GAK: variants seen among roughly 807,000 people sequenced by gnomAD.
GAK encodes the protein cyclin-G-associated kinase.
A neutral mutation model predicts 143.9 loss-of-function variants in GAK; 79 were observed. That is an observed-to-expected ratio of 0.55 (90% CI 0.46 to 0.66). The LOEUF is 0.66. Among genes scored for constraint, GAK ranks in the 30% least tolerant of loss-of-function variants. The pLI, the probability that GAK is intolerant of heterozygous loss-of-function variation, is 0.00. For synonymous variants in GAK, 881 were observed against 765.5 expected (o/e 1.15, Z -2.49); for missense variants, 1,693 against 1,779.7 (o/e 0.95, Z 0.88).
chr4:890,711 A>C, intron 9 of GAK, 89 bp from the exon 10 acceptor site: 1 of 1,023,394 alleles, frequency 9.8e-7, no homozygotes, highest in Non-Finnish European at 1.5e-6. Flanking sequence ...GGGTGCCCTC[A>C]GAGCCCATCC....
chr4:899,748 G>A (rs756680127), intron 5 of GAK, among the ~76,000 whole-genome samples: 2 of 152,222 alleles, frequency 1.3e-5, no homozygotes, highest in Non-Finnish European at 2.9e-5. Context: ...CAACCACAGC[G>A]CCCTGCAGAC....
intron 27 of GAK, 56 bp from the exon 28 acceptor site, chr4:849,830 C>CGGGG: frequency 1.7e-6 from 2 of 1,172,350 alleles, no homozygotes; most frequent in Non-Finnish European, 2.4e-6. Context: ...GCGGGCGGGG[C>CGGGG]AGGACCCCCC....
At chr4:913,804 C>T in intron 1 of GAK, 136 bp from the exon 2 acceptor site, 1 of 725,942 alleles carries the variant, frequency 1.4e-6, no homozygotes. Flanking sequence ...ATAATGGCCC[C>T]AGCGTACACG....
intron 4 of GAK, among the ~76,000 whole-genome samples, chr4:905,815 C>T (rs1032435867): frequency 1.3e-5 from 2 of 152,260 alleles, no homozygotes; most frequent in African/African-American, 4.8e-5. Flanking sequence ...CCCAGTTAAG[C>T]CCACCCTGAG....
rs111859924 is a variant in GAK, at chr4:900,731, C to T, written c.526-2573G>A. Among the ~76,000 whole-genome samples, 46 of 152,306 alleles carry T rather than the reference C, an allele frequency of 3.0e-4. 1 individual carries two copies. Among genetic ancestry groups the T allele is most frequent in the African/African-American group, 1.0e-3 (43 of 41,566 alleles). ...GGAAACCAGGGGTCTTGCTTGCAAC[C>T]TTGAAGAAGCTTCCCTCAAAAGCAA... On this transcript the variant is annotated intron_variant, in intron 5 of 27. Coordinates refer to ENST00000314167, the MANE Select transcript of GAK (RefSeq NM_005255.4).
At chr4:866,819 C>T (rs1216329149) in intron 21 of GAK, 137 bp downstream of exon 21, 11 of 727,454 alleles carry the variant, frequency 1.5e-5, no homozygotes, top group Non-Finnish European at 2.5e-5. Context: ...GACCCCGAGG[C>T]TGCTCCTGGG....
intron 12 of GAK, 42 bp from the exon 13 acceptor site, chr4:883,505 C>A (rs895086261): frequency 6.2e-7 from 1 of 1,605,474 alleles, no homozygotes; most frequent in Non-Finnish European, 8.5e-7. Context: ...GAGATGCGCA[C>A]CTCGTGGCCA....
At chr4:904,153 C>T (rs988356494) in intron 5 of GAK, among the ~76,000 whole-genome samples, 4 of 152,064 alleles carry the variant, frequency 2.6e-5, no homozygotes, top group Non-Finnish European at 4.4e-5. Flanking sequence ...GGATGATGGG[C>T]GGCTCCTAAC....
At chr4:912,499 T>G in intron 3 of GAK, 1 of 473,046 alleles carries the variant, frequency 2.1e-6, no homozygotes, top group South Asian at 2.4e-5. Context: ...AGGAACAACT[T>G]CATTCCCAAC....
rs1042515503 is a variant in GAK at position 865,304 on chromosome 4, C to T, written c.3044-60G>A. 38 of 1,606,358 alleles carry T rather than the reference C, an allele frequency of 2.4e-5. 2 individuals carry two copies. Among genetic ancestry groups the T allele is most frequent in the African/African-American group, 1.6e-4 (12 of 74,782 alleles). ...GTGTCTCAGCAGCAGGCAAATGTGG[C>T]GGGGCGCCAGGCTGTGCTCAGGGCC... On this transcript the variant is annotated intron_variant, in intron 22 of 27. Transcript: ENST00000314167.
intron 4 of GAK, among the ~76,000 whole-genome samples, chr4:911,084 C>G (rs1367990514): frequency 6.6e-6 from 1 of 152,202 alleles, no homozygotes; most frequent in African/African-American, 2.4e-5. Context: ...ACCCACCGGC[C>G]TCTCTTCCTG....
At chr4:877,390 C>T (rs1178943165) in intron 16 of GAK, among the ~76,000 whole-genome samples, 183 bp from the exon 17 acceptor site, 1 of 152,134 alleles carries the variant, frequency 6.6e-6, no homozygotes, top group Non-Finnish European at 1.5e-5. Context: ...TCCCTGTGAC[C>T]TCCTGCTGCT....
At chr4:893,666 C>T (rs1718124734) in intron 8 of GAK, among the ~76,000 whole-genome samples, 177 bp from the exon 9 acceptor site, 1 of 152,200 alleles carries the variant, frequency 6.6e-6, no homozygotes, top group African/African-American at 2.4e-5. Flanking sequence ...GATCAAAAAT[C>T]ACCACTCAGA....
chr4:918,992 AAAGACAGAAGGCTCC>A (rs1723494258), intron 1 of GAK, among the ~76,000 whole-genome samples: 1 of 88,902 alleles, frequency 1.1e-5, no homozygotes, highest in Non-Finnish European at 2.4e-5. Context: ...ATGACCTTAG[AAAGACAGAAGGCTCC>A]AAAGGCCTCA....
At chr4:917,591 T>C (rs1453805467) in intron 1 of GAK, among the ~76,000 whole-genome samples, 1 of 152,242 alleles carries the variant, frequency 6.6e-6, no homozygotes, top group Admixed American at 6.5e-5. Flanking sequence ...AATGAATCTA[T>C]AGTAACAGAA....
chr4:907,476 T>C (rs1207941932), intron 4 of GAK, among the ~76,000 whole-genome samples: 2 of 152,030 alleles, frequency 1.3e-5, no homozygotes, highest in Non-Finnish European at 2.9e-5. Flanking sequence ...AGAGTGGGGG[T>C]GACTTGCCCT....
intron 5 of GAK, 95 bp from the exon 6 acceptor site, chr4:898,253 T>G: frequency 6.9e-7 from 1 of 1,447,586 alleles, no homozygotes; most frequent in Non-Finnish European, 9.5e-7. Flanking sequence ...CCAGGGCCCT[T>G]CGCAGACAGC....
chr4:912,095 G>A (rs952265411), intron 3 of GAK: 3 of 469,486 alleles, frequency 6.4e-6, no homozygotes, highest in African/African-American at 2.0e-5. Context: ...TCAGGGGGCT[G>A]TGCGCAGGGA....
Position 851,738 on chromosome 4 carries a change from TG to T in GAK, c.3508+11del, listed in dbSNP as rs770560926. ...CTGCAAACTCCACAGCAACAGAGAG[TG>T]GGGGACTCACCAAAGCTGGGTGCGC... On this transcript the variant is annotated intron_variant, in intron 25 of 27. Transcript: ENST00000314167. The T allele has an allele frequency of 5.6e-6, 9 of 1,610,846 alleles. No homozygotes were observed. The highest frequency in any genetic ancestry group is 7.6e-6 in the Non-Finnish European group (9 of 1,178,444).
Sources: gnomAD v4.1 joint callset for allele counts (sites outside exome capture counted in the v4.1 genomes callset) on GRCh38, gnomAD v4.1.1 for gene constraint, MANE v1.5 for transcripts, NCBI Gene and HGNC (gene_info 2026-07-23, HGNC 2026-07-21) for gene names.